Variants in TENM3 observed in about 807,000 individuals in gnomAD.
The protein encoded by TENM3 is teneurin transmembrane protein 3, also known as teneurin-3.
In TENM3, 63 loss-of-function variants were observed where a neutral mutation model predicts 255.1. The ratio of observed to expected loss-of-function variants is 0.25; its 90% CI spans 0.20 to 0.30. TENM3 has a LOEUF of 0.30. Among genes scored for constraint, TENM3 ranks in the 10% least tolerant of loss-of-function variants. The pLI is 1.00. For missense variants in TENM3, 2,929 were observed against 3,461.1 expected, an observed-to-expected ratio of 0.85 and a Z score of 3.86; for synonymous variants, 1,306 against 1,322.3, an observed-to-expected ratio of 0.99 and a Z score of 0.27.
chr4:182,166,932 A>G (rs1448674229), intron 1 of TENM3, among the ~76,000 whole-genome samples: 1 of 152,110 alleles, frequency 6.6e-6, no homozygotes, highest in East Asian at 1.9e-4. Context: ...GAAGCAAGTT[A>G]TGTTTAGAAT....
chr4:182,166,731 A>G (rs754553031), intron 1 of TENM3, among the ~76,000 whole-genome samples: 9 of 152,226 alleles, frequency 5.9e-5, no homozygotes, highest in Non-Finnish European at 1.3e-4. Context: ...TCCCAGGTTA[A>G]AGCGATGCTC....
the TENM3 span, among the ~76,000 whole-genome samples, chr4:181,864,977 A>G: frequency 6.6e-6 from 1 of 152,218 alleles, no homozygotes; most frequent in Non-Finnish European, 1.5e-5. Flanking sequence ...TTGTCTGAAC[A>G]TATCAATCCA....
chr4:181,816,973 A>C, the TENM3 span, among the ~76,000 whole-genome samples: 23 of 152,306 alleles, frequency 1.5e-4, no homozygotes, highest in African/African-American at 5.5e-4. Context: ...ATAGATAAGT[A>C]AACTGGGGCT....
chr4:182,231,499 TCCGTG>T (rs1432124024), intron 1 of TENM3, among the ~76,000 whole-genome samples: 1 of 152,200 alleles, frequency 6.6e-6, no homozygotes, highest in Admixed American at 6.5e-5. Context: ...ACTCTCTGCC[TCCGTG>T]CCCATTTGCT....
At chr4:181,951,824 A>G in the TENM3 span, among the ~76,000 whole-genome samples, 2 of 152,244 alleles carry the variant, frequency 1.3e-5, no homozygotes, top group East Asian at 1.9e-4. Flanking sequence ...AACAGAAAAG[A>G]GGACAACAAT....
chr4:182,796,614 C>A, intron 26 of TENM3, 23 bp from the exon 27 acceptor site: 1 of 1,574,672 alleles, frequency 6.4e-7, no homozygotes, highest in African/African-American at 1.4e-5. Flanking sequence ...CAACACCTTT[C>A]ATTCTGAACA....
chr4:182,647,791 G>A (rs944347790), intron 5 of TENM3, among the ~76,000 whole-genome samples: 1 of 152,080 alleles, frequency 6.6e-6, no homozygotes, highest in African/African-American at 2.4e-5. Flanking sequence ...ATTTTTTTGT[G>A]GAATCACCAT....
At chr4:182,146,466 A>T (rs1749976096) in intron 1 of TENM3, among the ~76,000 whole-genome samples, 2 of 152,116 alleles carry the variant, frequency 1.3e-5, no homozygotes, top group African/African-American at 4.8e-5. Flanking sequence ...GAGTTTAGTT[A>T]TTCTATTGTG....
chr4:181,593,663 C>T, the TENM3 span, among the ~76,000 whole-genome samples: 1 of 152,160 alleles, frequency 6.6e-6, no homozygotes, highest in South Asian at 2.1e-4. Flanking sequence ...CAGTACTTTG[C>T]TGCTACTGTA....
At chr4:181,649,318 C>A in the TENM3 span, among the ~76,000 whole-genome samples, 2 of 152,194 alleles carry the variant, frequency 1.3e-5, no homozygotes, top group Non-Finnish European at 2.9e-5. Flanking sequence ...TTCTCTCTCA[C>A]CCGTCCATCA....
At chr4:181,936,914 C>A in the TENM3 span, among the ~76,000 whole-genome samples, 6 of 152,240 alleles carry the variant, frequency 3.9e-5, no homozygotes, top group East Asian at 1.2e-3. Context: ...TCCTGCCCCC[C>A]ACGAAGCTTT....
At chr4:181,773,546 T>C in the TENM3 span, among the ~76,000 whole-genome samples, 1 of 152,182 alleles carries the variant, frequency 6.6e-6, no homozygotes, top group Non-Finnish European at 1.5e-5. Context: ...CGTGTTTTGG[T>C]CACAAGATTT....
chr4:182,641,536 T>TC (rs1752315529), intron 5 of TENM3, among the ~76,000 whole-genome samples: 1 of 151,720 alleles, frequency 6.6e-6, no homozygotes, highest in African/African-American at 2.4e-5. Context: ...TTTGTTGTTT[T>TC]TTTTTTTTTG....
intron 3 of TENM3, chr4:182,350,249 T>C (rs1765083026): frequency 6.6e-6 from 1 of 152,498 alleles, no homozygotes; most frequent in African/African-American, 2.4e-5. Flanking sequence ...TAAGAGAACA[T>C]TCGGACCGTG....
chr4:182,364,664 T>C (rs575890482), intron 3 of TENM3, among the ~76,000 whole-genome samples: 3 of 152,222 alleles, frequency 2.0e-5, no homozygotes, highest in African/African-American at 7.2e-5. Context: ...CGTGATCCGC[T>C]CGTCTCGGCC....
intron 3 of TENM3, among the ~76,000 whole-genome samples, chr4:182,449,817 C>T (rs1467850137): frequency 6.6e-6 from 1 of 152,212 alleles, no homozygotes; most frequent in African/African-American, 2.4e-5. Context: ...TCGATGCAGG[C>T]TACTCCTGTG....
At chr4:182,624,829 A>G (rs2152461691) in intron 4 of TENM3, among the ~76,000 whole-genome samples, 1 of 152,310 alleles carries the variant, frequency 6.6e-6, no homozygotes, top group East Asian at 1.9e-4. Flanking sequence ...AGGAAAAAAC[A>G]TGCTTTCAAT....
At chr4:182,048,195 C>T in the TENM3 span, among the ~76,000 whole-genome samples, 2 of 152,230 alleles carry the variant, frequency 1.3e-5, no homozygotes, top group African/African-American at 4.8e-5. Flanking sequence ...TTCCAGAGTT[C>T]ACATGATGAT....
chr4:182,521,583 G>A (rs77533054), intron 3 of TENM3, among the ~76,000 whole-genome samples: 11,652 of 152,176 alleles, frequency 0.077, 499 homozygotes, highest in East Asian at 0.11. Flanking sequence ...AAATGGGGGG[G>A]TCGCTAAGAT....
Sources: allele counts gnomAD v4.1 joint callset (sites outside exome capture counted in the v4.1 genomes callset), GRCh38; gene constraint gnomAD v4.1.1; transcripts MANE v1.5; gene names NCBI Gene and HGNC (gene_info 2026-07-23, HGNC 2026-07-21).